Variants in MAP4 observed in about 807,000 individuals in gnomAD.
MAP4 encodes the protein microtubule associated protein 4, also known as microtubule-associated protein 4.
MAP4 carries 76 observed loss-of-function variants against 170.2 expected under a neutral mutation model. The observed-to-expected ratio is 0.45, with a 90% confidence interval of 0.37 to 0.54. The LOEUF (loss-of-function observed/expected upper bound fraction) is 0.54. MAP4 is among the 20% of genes least tolerant of loss of function. MAP4 has a pLI of 0.00. For missense variants in MAP4, 2,506 were observed against 2,748.0 expected, an observed-to-expected ratio of 0.91 and a Z score of 1.97; for synonymous variants, 909 against 994.5, an observed-to-expected ratio of 0.91 and a Z score of 1.62.
intron 1 of MAP4, among the ~76,000 whole-genome samples, chr3:48,038,449 T>C (rs2100119944): frequency 6.8e-6 from 1 of 146,198 alleles, no homozygotes; most frequent in Non-Finnish European, 1.5e-5. Flanking sequence ...CTATGTACAA[T>C]GCACTGAAAC....
At chr3:48,057,418 C>T (rs1182313488) in intron 1 of MAP4, among the ~76,000 whole-genome samples, 1 of 131,844 alleles carries the variant, frequency 7.6e-6, no homozygotes, top group Admixed American at 7.9e-5. Context: ...GCAGCATGCT[C>T]GTTAAGAGTC....
intron 1 of MAP4, among the ~76,000 whole-genome samples, chr3:48,078,147 ATTTTG>A (rs536765008): frequency 6.6e-6 from 1 of 151,820 alleles, no homozygotes; most frequent in Non-Finnish European, 1.5e-5. Context: ...GAATTCTATG[ATTTTG>A]TTTTGTTTTG....
intron 2 of MAP4, among the ~76,000 whole-genome samples, chr3:47,998,127 T>G: frequency 6.6e-6 from 1 of 152,188 alleles, no homozygotes; most frequent in East Asian, 1.9e-4. Flanking sequence ...GAAGACATTA[T>G]GAGAAAACTA....
In MAP4 at chr3:47,908,120, T is replaced by C. The variant is rs1339131073; in HGVS notation, c.5383+918A>G. ...AACAGTGATTAAGAAATAGTGTCAC[T>C]TGTAGGCTGTGAAAAATCTCAAAGA... On this transcript the variant is annotated intron_variant, in intron 9 of 20. Coordinates refer to ENST00000683076, the MANE Select transcript of MAP4 (RefSeq NM_001385682.1). Among the ~76,000 whole-genome samples, 6 of 152,118 alleles carry C rather than the reference T, an allele frequency of 3.9e-5. No homozygotes were observed. In the East Asian group the frequency reaches 7.7e-4, roughly 20 times the overall value.
At chr3:47,950,507 T>C (rs1392274687) in intron 3 of MAP4, among the ~76,000 whole-genome samples, 2 of 151,954 alleles carry the variant, frequency 1.3e-5, no homozygotes, top group African/African-American at 2.4e-5. Context: ...TAGGAGTAGA[T>C]CATATAGCTG....
intron 18 of MAP4, among the ~76,000 whole-genome samples, chr3:47,857,003 C>T (rs997894643): frequency 1.3e-5 from 2 of 152,246 alleles, no homozygotes; most frequent in Non-Finnish European, 2.9e-5. Context: ...CCTGCCAGGG[C>T]TAGCGGCTGA....
At chr3:47,858,586 G>GGTGTGTGTGTGTGTGT (rs59208724) in intron 17 of MAP4, among the ~76,000 whole-genome samples, 20 of 145,280 alleles carry the variant, frequency 1.4e-4, no homozygotes, top group African/African-American at 5.2e-4. Context: ...GTGAGGGGGT[G>GGTGTGTGTGTGTGTGT]GTGTGTGTGT....
intron 13 of MAP4, 34 bp downstream of exon 13, chr3:47,871,883 C>A: frequency 6.3e-7 from 1 of 1,580,742 alleles, no homozygotes; most frequent in East Asian, 2.3e-5. Context: ...TTTTCCCCTC[C>A]CTAGTTCCCA....
intron 1 of MAP4, among the ~76,000 whole-genome samples, chr3:48,076,049 T>C (rs2100143730): frequency 6.6e-6 from 1 of 150,740 alleles, no homozygotes; most frequent in African/African-American, 2.4e-5. Context: ...AAAAATTAAT[T>C]TGAAATTGAT....
chr3:48,050,251 T>A (rs2100126955), intron 1 of MAP4, among the ~76,000 whole-genome samples: 2 of 111,432 alleles, frequency 1.8e-5, no homozygotes, highest in African/African-American at 3.0e-5. Flanking sequence ...AGAGCGAGAC[T>A]CCATCTCAAA....
intron 10 of MAP4, chr3:47,891,633 G>A (rs1273207140): frequency 6.5e-7 from 1 of 1,536,116 alleles, no homozygotes. Context: ...GCTTGGTTGA[G>A]CACAGCCTCC....
At chr3:48,009,142 C>A (rs2100103959) in intron 1 of MAP4, among the ~76,000 whole-genome samples, 1 of 152,024 alleles carries the variant, frequency 6.6e-6, no homozygotes, top group Admixed American at 6.6e-5. Flanking sequence ...ACTCTGTTGC[C>A]CAGGCTGGAG....
Position 47,909,740 on chromosome 3 carries a change from T to A in MAP4, c.4681A>T (p.Lys1561Ter). 6.2e-7 allele frequency: 1 copy of A among 1,614,040 alleles called. No individual in the cohort carries two copies. Among genetic ancestry groups the A allele is most frequent in the Non-Finnish European group, 8.5e-7 (1 of 1,179,898 alleles). ...ESESVHSGASKHSVEKVTELA... is the reference protein window; with the variant it reads ...ESESVHSGAS ...TCTGTGACTTTCTCTACTGAATGCT[T>A]AGACGCACCACTGTGCACTGACTCA... The change falls in exon 9 of 21, where the codon AAG (lysine) becomes TAG (stop). Residue 1561 changes from lysine to a stop codon, truncating the protein, a stop_gained. Transcript: ENST00000683076. LOFTEE classifies it high-confidence loss of function.
chr3:47,999,140 C>T (rs1372064863), intron 1 of MAP4, among the ~76,000 whole-genome samples: 2 of 152,066 alleles, frequency 1.3e-5, no homozygotes, highest in Non-Finnish European at 2.9e-5. Context: ...AAAGCAATTG[C>T]AATTGTGTCC....
chr3:47,916,155 G>A lies in MAP4; in HGVS notation c.1672C>T (p.Leu558=). The change falls in exon 7 of 21, where the codon CTG becomes TTG. Residue 558 remains leucine (L), a synonymous_variant. Transcript: ENST00000683076. ...AGGGTCAGAACCCCATCCTTAGCCA[G>A]GGGTGCTTCTGTTTTGAGGGCTGGG... The part of the protein sequence containing the change: ...QVPALKTEAP[L]AKDGVLTLAN... The A allele has an allele frequency of 5.6e-6, 9 of 1,614,228 alleles. No homozygotes were observed. The highest frequency in any genetic ancestry group is 7.6e-6 in the Non-Finnish European group (9 of 1,180,040).
Position 48,046,707 on chromosome 3 carries a change from A to G in MAP4, c.-20+42066T>C, listed in dbSNP as rs2100124736. On this transcript the variant is annotated intron_variant, in intron 1 of 18. Transcript: ENST00000360240. ...TCAAAAGCACAGGTTCTAAAATCAG[A>G]CCACCTGAATTCCTATCCTTTCTTT... Among the ~76,000 whole-genome samples, 6 of 152,308 alleles carry G rather than the reference A, an allele frequency of 3.9e-5. No homozygotes were observed. In the South Asian group the frequency reaches 1.2e-3, roughly 32 times the overall value.
intron 4 of MAP4, among the ~76,000 whole-genome samples, chr3:47,923,530 T>C (rs1039969291): frequency 2.7e-5 from 4 of 149,894 alleles, no homozygotes; most frequent in Non-Finnish European, 5.9e-5. Context: ...TGCACTATGA[T>C]ATGGCGACTG....
At chr3:47,891,439 A>C (rs1169944337) in intron 10 of MAP4, 3 of 1,531,752 alleles carry the variant, frequency 2.0e-6, no homozygotes, top group Non-Finnish European at 2.6e-6. Flanking sequence ...GCTTCATAGC[A>C]GGAGCTCCCA....
intron 1 of MAP4, among the ~76,000 whole-genome samples, chr3:48,075,992 A>AAAG (rs1172820642): frequency 6.6e-6 from 1 of 150,850 alleles, no homozygotes; most frequent in Non-Finnish European, 1.5e-5. Context: ...AAAAAAAAAA[A>AAAG]GAAACAAAGA....
Sources: allele counts gnomAD v4.1 joint callset (sites outside exome capture counted in the v4.1 genomes callset), GRCh38; gene constraint gnomAD v4.1.1; transcripts MANE v1.5; gene names NCBI Gene and HGNC (gene_info 2026-07-23, HGNC 2026-07-21).